The following MMD variants were observed in gnomAD, a reference collection of about 807,000 sequenced individuals.
MMD encodes the protein monocyte to macrophage differentiation associated.
MMD carries 22 observed loss-of-function variants against 33.6 expected under a neutral mutation model. The ratio of observed to expected loss-of-function variants is 0.66; its 90% confidence interval spans 0.47 to 0.94. The LOEUF (loss-of-function observed/expected upper bound fraction) is 0.94, where lower values mean the gene tolerates loss of function less well. Among genes scored for constraint, MMD ranks in the 40% least tolerant of loss-of-function variants. The probability of loss-of-function intolerance (pLI) is 0.00; values close to 1 mark genes in which losing one functional copy is unlikely to be tolerated. For missense variants in MMD, 242 were observed against 309.8 expected (o/e 0.78, Z 1.64); for synonymous variants, 97 against 103.2 (o/e 0.94, Z 0.36).
chr17:55,402,258 G>A (rs773175891), intron 5 of MMD, among the ~76,000 whole-genome samples: 9 of 152,136 alleles, frequency 5.9e-5, no homozygotes, highest in Non-Finnish European at 1.3e-4. Context: ...GATGAATGGA[G>A]ATGCAGCCTG....
intron 6 of MMD, among the ~76,000 whole-genome samples, chr17:55,396,145 C>T: frequency 6.6e-6 from 1 of 152,164 alleles, no homozygotes. Context: ...CCACATTTAC[C>T]TCAACTTTCA....
Position 55,407,818 on chromosome 17 carries a change from G to C in MMD, c.272C>G (p.Thr91Arg). Residue 91 changes from threonine to arginine, a missense_variant and splice_region_variant, in exon 4 of 7, where the codon ACA (threonine) becomes AGA (arginine). Coordinates refer to ENST00000262065, the MANE Select transcript of MMD (RefSeq NM_012329.3). ...IVSWKKSHLRTVEHCFHMCDR... is the reference protein window; with the variant it reads ...IVSWKKSHLRRVEHCFHMCDR... ...ACACATGTGAAAACAATGCTCCACT[G>C]TCCTAGCGAGGGGGAAAAAAAAGTA... 12 of 1,574,416 alleles carry C rather than the reference G, an allele frequency of 7.6e-6. No homozygotes were observed. The highest frequency in any genetic ancestry group is 1.0e-5 in the Non-Finnish European group (12 of 1,167,752).
At position 55,394,083 on chromosome 17, in the gene MMD, A is replaced by G; in HGVS notation, c.*251T>C. The G allele has an allele frequency of 3.2e-6, 1 of 313,872 alleles. No individual in the cohort carries two copies. Among genetic ancestry groups the G allele is most frequent in the Non-Finnish European group, 5.8e-6 (1 of 173,354 alleles). 19.4% of individuals were successfully genotyped at this position (313,872 alleles called of 1,614,324 possible). On this transcript the variant is annotated 3_prime_UTR_variant, in exon 7 of 7. Transcript: ENST00000262065. ...TATAAAAGTCTGGTTTGTAAACATC[A>G]GTTGGCCAAGTCTATTCAGAGTCCT...
intron 2 of MMD, among the ~76,000 whole-genome samples, chr17:55,413,588 G>C (rs1180675273): frequency 1.3e-5 from 2 of 151,916 alleles, no homozygotes; most frequent in Non-Finnish European, 2.9e-5. Flanking sequence ...CTTATAATAA[G>C]CATGTTTTGC....
rs751881573 is a variant in MMD at position 55,411,294 on chromosome 17, C to G, written c.232G>C (p.Val78Leu). ...GLCALFIVST[V>L]FHIVSWKKSH... ...TTTTTCCATGATACAATGTGAAATACTGTAGAAACGATGAAGAGGGCACAG... is the reference window on the plus strand; with the variant it reads ...TTTTTCCATGATACAATGTGAAATAGTGTAGAAACGATGAAGAGGGCACAG... Residue 78 changes from valine to leucine, a missense_variant, in exon 3 of 7, where the codon GTA becomes CTA. Coordinates refer to ENST00000262065, the MANE Select transcript of MMD (RefSeq NM_012329.3). The G allele has an allele frequency of 6.2e-7, 1 of 1,613,950 alleles. No homozygotes were observed. The highest frequency in any genetic ancestry group is 1.3e-5 in the African/African-American group (1 of 75,012).
chr17:55,406,210 C>T (rs1598432089), intron 4 of MMD, among the ~76,000 whole-genome samples: 2 of 152,012 alleles, frequency 1.3e-5, no homozygotes, highest in East Asian at 1.9e-4. Flanking sequence ...GCCTGGGTAA[C>T]ATGGCGAAAC....
At chr17:55,397,999 T>C (rs1907175870) in intron 6 of MMD, among the ~76,000 whole-genome samples, 1 of 151,710 alleles carries the variant, frequency 6.6e-6, no homozygotes, top group Non-Finnish European at 1.5e-5. Flanking sequence ...GACTTTAATG[T>C]GTCTTAGTGT....
chr17:55,413,863 G>C (rs1024773449), intron 2 of MMD, among the ~76,000 whole-genome samples: 4 of 152,154 alleles, frequency 2.6e-5, no homozygotes, highest in Non-Finnish European at 5.9e-5. Flanking sequence ...TCATAAATAG[G>C]TGTCTTTGGT....
intron 1 of MMD, among the ~76,000 whole-genome samples, chr17:55,415,362 C>G: frequency 6.6e-6 from 1 of 151,932 alleles, no homozygotes; most frequent in East Asian, 1.9e-4. Flanking sequence ...CGTCAACAGG[C>G]TTTGCACAAT....
At chr17:55,406,983 A>G (rs1907574462) in intron 4 of MMD, among the ~76,000 whole-genome samples, 2 of 151,978 alleles carry the variant, frequency 1.3e-5, no homozygotes, top group Admixed American at 1.3e-4. Flanking sequence ...GTGAGCTGAG[A>G]TCACGCCACT....
chr17:55,419,740 A>G (rs969437177), intron 1 of MMD, among the ~76,000 whole-genome samples: 1 of 152,262 alleles, frequency 6.6e-6, no homozygotes, highest in African/African-American at 2.4e-5. Flanking sequence ...TATGATAGAA[A>G]ACCAAGAAAT....
At chr17:55,420,827 A>T (rs1056906656) in intron 1 of MMD, among the ~76,000 whole-genome samples, 3 of 152,204 alleles carry the variant, frequency 2.0e-5, no homozygotes, top group Non-Finnish European at 4.4e-5. Context: ...TCTCAGAGTC[A>T]TGGGCTAACC....
At chr17:55,407,665 CAAGAGGGAGAA>C in intron 4 of MMD, 70 bp downstream of exon 4, 1 of 1,302,998 alleles carries the variant, frequency 7.7e-7, no homozygotes, top group Non-Finnish European at 1.1e-6. Context: ...AGGGTGGGGA[CAAGAGGGAGAA>C]AGGAAAGGAG....
At chr17:55,414,357 G>A (rs1018157104) in intron 1 of MMD, 125 bp from the exon 2 acceptor site, 44 of 850,270 alleles carry the variant, frequency 5.2e-5, no homozygotes, top group East Asian at 8.0e-5. Context: ...ACCCAGTTGC[G>A]GTAATAAAGC....
chr17:55,403,954 C>G, intron 4 of MMD, 86 bp from the exon 5 acceptor site: 1 of 1,085,400 alleles, frequency 9.2e-7, no homozygotes, highest in Non-Finnish European at 1.4e-6. Flanking sequence ...CTGAGAAAGT[C>G]TTAGGATAAG....
intron 4 of MMD, chr17:55,404,516 G>A (rs1231575349): frequency 2.0e-6 from 2 of 985,244 alleles, no homozygotes; most frequent in Non-Finnish European, 2.4e-6. Context: ...GTATTTGGGA[G>A]CAGATTACTT....
intron 1 of MMD, among the ~76,000 whole-genome samples, chr17:55,415,537 G>A (rs983285669): frequency 6.6e-6 from 1 of 152,136 alleles, no homozygotes; most frequent in Admixed American, 6.5e-5. Flanking sequence ...CCAAAAATTG[G>A]CTAAAACGCA....
chr17:55,404,139 G>C (rs920938664), intron 4 of MMD, among the ~76,000 whole-genome samples: 4 of 152,134 alleles, frequency 2.6e-5, no homozygotes, highest in African/African-American at 9.7e-5. Flanking sequence ...CGGATCACTT[G>C]AGGTCAGGAG....
In MMD at chr17:55,395,520, G is replaced by C. The variant is rs534520242; in HGVS notation, c.517-986C>G. Among the ~76,000 whole-genome samples the C allele has an allele frequency of 2.0e-5, 3 of 152,334 alleles. No individual in the cohort carries two copies. In the East Asian group the frequency reaches 5.8e-4, roughly 29 times the overall value. On this transcript the variant is annotated intron_variant, in intron 6 of 6. Coordinates refer to ENST00000262065, the MANE Select transcript of MMD (RefSeq NM_012329.3). ...AAGGGAAGCTCTAACTCAGGCACCT[G>C]ATTAGAATGGGCCCCAAGGCCCTCG...
Sources: gnomAD v4.1 joint callset for allele counts (sites outside exome capture counted in the v4.1 genomes callset) on GRCh38, gnomAD v4.1.1 for gene constraint, MANE v1.5 for transcripts, NCBI Gene and HGNC (gene_info 2026-07-23, HGNC 2026-07-21) for gene names.